The following HCAR2 variants were observed in gnomAD, a reference collection of about 807,000 sequenced individuals.
HCAR2 encodes hydroxycarboxylic acid receptor 2.
For missense variants in HCAR2, 346 were observed against 476.6 expected, an observed-to-expected ratio of 0.73 and a Z score of 2.55; for synonymous variants, 156 against 189.4, an observed-to-expected ratio of 0.82 and a Z score of 1.45.
At position 122,701,872 on chromosome 12, in the gene HCAR2, C is replaced by T. The variant is rs1226866230; in HGVS notation, c.*320G>A. On this transcript the variant is annotated 3_prime_UTR_variant, in exon 1 of 1. Transcript: ENST00000328880. Reference sequence around the variant, plus strand: ...AGATGTGGGAAGAAGGCCAACAAGTCACAAGTAGATCTCTGGCTCCAACTC... The same window carrying T: ...AGATGTGGGAAGAAGGCCAACAAGTTACAAGTAGATCTCTGGCTCCAACTC... 6.1e-6 allele frequency: 3 copies of T among 489,320 alleles called. No homozygotes were observed. The highest frequency in any genetic ancestry group is 1.1e-5 in the Non-Finnish European group (3 of 272,582). 30.3% of individuals were successfully genotyped at this position (489,320 alleles called of 1,614,324 possible).
rs1416439518 is a variant in HCAR2 at position 122,701,940 on chromosome 12, C to T, written c.*252G>A. On this transcript the variant is annotated 3_prime_UTR_variant, in exon 1 of 1. Transcript: ENST00000328880. ...TACAATTTGCCCATCTTCAGTCCTGCGAGCGTCAGAGATGAAGCAAAAGTT... is the reference window on the plus strand; with the variant it reads ...TACAATTTGCCCATCTTCAGTCCTGTGAGCGTCAGAGATGAAGCAAAAGTT... The T allele has an allele frequency of 2.5e-5, 17 of 680,346 alleles. No homozygotes were observed. Among genetic ancestry groups the T allele is most frequent in the East Asian group, 1.4e-4 (5 of 36,168 alleles). 42.1% of individuals were successfully genotyped at this position (680,346 alleles called of 1,614,324 possible). A position where few individuals can be genotyped will look rare whatever the true frequency, so the allele number is the denominator to read the frequency against.
rs1877078237 is a variant in HCAR2, at chr12:122,701,769, C to T, written c.*423G>A. 1 of 267,584 alleles carries T rather than the reference C, an allele frequency of 3.7e-6. No individual in the cohort carries two copies. The highest frequency in any genetic ancestry group is 6.0e-5 in the South Asian group (1 of 16,532). 16.6% of individuals were successfully genotyped at this position (267,584 alleles called of 1,614,324 possible). On this transcript the variant is annotated 3_prime_UTR_variant, in exon 1 of 1. Transcript: ENST00000328880. ...GGAGCAACACAATTCCCTCCAATCT[C>T]AGCTCTCCTTATCCCTGCTAGAGCT... is the stretch of plus-strand genomic sequence containing the variant.
In HCAR2 at chr12:122,702,446, G is replaced by C; in HGVS notation, c.838C>G (p.Leu280Val). 1 of 1,613,976 alleles carries C rather than the reference G, an allele frequency of 6.2e-7. No homozygotes were observed. The highest frequency in any genetic ancestry group is 1.7e-5 in the Admixed American group (1 of 59,984). Residue 280 changes from leucine to valine, a missense_variant, in exon 1 of 1, where the codon CTC (leucine) becomes GTC (valine). Transcript: ENST00000328880. ...ATGCTGTTCATGTAGGTGAAGCTGA[G>C]AGTGATAAAGAACGCCAGGTCCACC... is the stretch of plus-strand genomic sequence containing the variant. ...RSVDLAFFIT[L>V]SFTYMNSMLD... is the part of the protein sequence containing the mutation.
rs201138003 is a variant in HCAR2 at position 122,702,822 on chromosome 12, G to A, written c.462C>T (p.Ile154=). 53 of 1,614,074 alleles carry A rather than the reference G, an allele frequency of 3.3e-5. No individual in the cohort carries two copies. The highest frequency in any genetic ancestry group is 4.5e-5 in the Non-Finnish European group (53 of 1,180,040). ...GGAGGTGGACTGTCAGGCCAATAGT[G>A]ATGCCCCACAGAAGGCAAGAGATGA... ...AAIISCLLWG[I]TIGLTVHLLK... is the part of the protein sequence containing the mutation. Residue 154 remains isoleucine (I), a synonymous_variant, in exon 1 of 1, where the codon ATC becomes ATT. Coordinates refer to ENST00000328880, the MANE Select transcript of HCAR2 (RefSeq NM_177551.4).
rs1277192878 is a variant in HCAR2 at position 122,701,596 on chromosome 12, A to G, written c.*596T>C. 2 of 164,792 alleles carry G rather than the reference A, an allele frequency of 1.2e-5. No individual in the cohort carries two copies. Among genetic ancestry groups the G allele is most frequent in the Admixed American group, 1.1e-4 (2 of 18,136 alleles). 10.2% of individuals were successfully genotyped at this position (164,792 alleles called of 1,614,324 possible). A position where few individuals can be genotyped will look rare whatever the true frequency, so the allele number is the denominator to read the frequency against. The stretch of plus-strand genomic sequence containing the variant: ...CAGTCCCTTCTGGGGCTAATCCCCT[A>G]TTACACCCACCGGAAACACAGATAT... On this transcript the variant is annotated 3_prime_UTR_variant, in exon 1 of 1. Transcript: ENST00000328880.
chr12:122,703,185 C>T lies in HCAR2; in HGVS notation c.99G>A (p.Val33=), dbSNP rs755495173. ...GCCCGAAGATAAACTCCAGCCCCAA[C>T]ACCGGCGGCAACACCTTGACAATGA... is the stretch of plus-strand genomic sequence containing the variant. ...DDFIVKVLPP[V]LGLEFIFGLL... Residue 33 remains valine (V), a synonymous_variant, in exon 1 of 1, where the codon GTG becomes GTA. Coordinates refer to ENST00000328880, the MANE Select transcript of HCAR2 (RefSeq NM_177551.4). 1.7e-5 allele frequency: 27 copies of T among 1,614,054 alleles called. No individual in the cohort carries two copies. Among genetic ancestry groups the T allele is most frequent in the Non-Finnish European group, 1.7e-5 (20 of 1,180,046 alleles).
rs1039822698 is a variant in HCAR2 at position 122,702,011 on chromosome 12, G to C, written c.*181C>G. 1 of 1,086,426 alleles carries C rather than the reference G, an allele frequency of 9.2e-7. No homozygotes were observed. The highest frequency in any genetic ancestry group is 1.5e-5 in the South Asian group (1 of 66,232). The allele number at this position is 1,086,426 out of a possible 1,614,324, so 67.3% of individuals were successfully genotyped here. ...CTCTCTATTCCTCCAGGATTCCTGC[G>C]GTCACACCTTGCAACCAGTCTCCCA... On this transcript the variant is annotated 3_prime_UTR_variant, in exon 1 of 1. Coordinates refer to ENST00000328880, the MANE Select transcript of HCAR2 (RefSeq NM_177551.4).
rs202219060 is a variant in HCAR2, at chr12:122,702,411, G to T, written c.873C>A (p.Pro291=). The change falls in exon 1 of 1, where the codon CCC becomes CCA. Residue 291 remains proline (P), a synonymous_variant. Coordinates refer to ENST00000328880, the MANE Select transcript of HCAR2 (RefSeq NM_177551.4). ...ATGGGCTGGAGAAGTAGTACACCAC[G>T]GGGTCCAGCATGCTGTTCATGTAGG... ...SFTYMNSMLD[P]VVYYFSSPSF... The T allele has an allele frequency of 1.7e-5, 28 of 1,614,038 alleles. No homozygotes were observed. Among genetic ancestry groups the T allele is most frequent in the Non-Finnish European group, 2.4e-5 (28 of 1,180,018 alleles).
At position 122,703,234 on chromosome 12, in the gene HCAR2, T is replaced by A; in HGVS notation, c.50A>T (p.Asn17Ile). 6.2e-7 allele frequency: 1 copy of A among 1,614,004 alleles called. No individual in the cohort carries two copies. Among genetic ancestry groups the A allele is most frequent in the Non-Finnish European group, 8.5e-7 (1 of 1,180,008 alleles). ...QDHFLEIDKK[N>I]CCVFRDDFIV... Reference sequence around the variant, plus strand: ...GAAGTCATCTCGGAACACACAGCAGTTCTTCTTGTCTATTTCCAGAAAGTG... The same window carrying A: ...GAAGTCATCTCGGAACACACAGCAGATCTTCTTGTCTATTTCCAGAAAGTG... Residue 17 changes from asparagine (N) to isoleucine (I), a missense_variant, in exon 1 of 1, where the codon AAC becomes ATC. Transcript: ENST00000328880.
rs201528894 is a variant in HCAR2 at position 122,703,310 on chromosome 12, C to T, written c.-27G>A. On this transcript the variant is annotated 5_prime_UTR_variant, in exon 1 of 1. Coordinates refer to ENST00000328880, the MANE Select transcript of HCAR2 (RefSeq NM_177551.4). ...AGTGCGGCTAGTGAGTCCGATGGAGCGCCTCGCCTAGTGAATGCTCCAGCA... is the reference window on the plus strand; with the variant it reads ...AGTGCGGCTAGTGAGTCCGATGGAGTGCCTCGCCTAGTGAATGCTCCAGCA... 4 of 1,607,962 alleles carry T rather than the reference C, an allele frequency of 2.5e-6. No individual in the cohort carries two copies. Among genetic ancestry groups the T allele is most frequent in the East Asian group, 2.2e-5 (1 of 44,808 alleles).
At position 122,703,029 on chromosome 12, in the gene HCAR2, G is replaced by T. The variant is rs202234525; in HGVS notation, c.255C>A (p.Asp85Glu). 1 of 1,614,124 alleles carries T rather than the reference G, an allele frequency of 6.2e-7. No homozygotes were observed. Among genetic ancestry groups the T allele is most frequent in the Non-Finnish European group, 8.5e-7 (1 of 1,180,038 alleles). Residue 85 changes from aspartate (D) to glutamate (E), a missense_variant, in exon 1 of 1, where the codon GAC (aspartate) becomes GAA (glutamate). Asp to Glu is a conservative substitution (Grantham distance 45). Coordinates refer to ENST00000328880, the MANE Select transcript of HCAR2 (RefSeq NM_177551.4). ...TCCAGTCCCAACGCCTCACATAGTT[G>T]TCCATCAGGAAGGGCAGGCAGATGA... ...LLIICLPFLM[D>E]NYVRRWDWKF...
chr12:122,701,985 ACT>A lies in HCAR2; in HGVS notation c.*205_*206del, dbSNP rs1355856775. 4 of 972,222 alleles carry A rather than the reference ACT, an allele frequency of 4.1e-6. No homozygotes were observed. In the East Asian group the frequency reaches 7.5e-5, roughly 18 times the overall value. 60.2% of individuals were successfully genotyped at this position (972,222 alleles called of 1,614,324 possible). On this transcript the variant is annotated 3_prime_UTR_variant, in exon 1 of 1. Coordinates refer to ENST00000328880, the MANE Select transcript of HCAR2 (RefSeq NM_177551.4). ...AAAGTTTCAGATGCCTAGAAGCTTTACTCTCTATTCCTCCAGGATTCCTGCGG... is the reference window on the plus strand; with the variant it reads ...AAAGTTTCAGATGCCTAGAAGCTTTACTCTATTCCTCCAGGATTCCTGCGG...
In HCAR2 at chr12:122,702,720, C is replaced by G. The variant is rs1341264802; in HGVS notation, c.564G>C (p.Trp188Cys). ...ACTCCAGGAGGAACATGGCTTCGTG[C>G]CACTGGAAGGTATGGCAGATGCTGA... Reference protein sequence around the residue: ...SSFSICHTFQWHEAMFLLEFF... With the variant: ...SSFSICHTFQCHEAMFLLEFF... The change falls in exon 1 of 1, where the codon TGG becomes TGC. Residue 188 changes from tryptophan to cysteine, a missense_variant. By Grantham distance (215) the Trp-to-Cys change is radical. Coordinates refer to ENST00000328880, the MANE Select transcript of HCAR2 (RefSeq NM_177551.4). 7 of 1,614,042 alleles carry G rather than the reference C, an allele frequency of 4.3e-6. No homozygotes were observed. The highest frequency in any genetic ancestry group is 4.0e-5 in the African/African-American group (3 of 74,908).
Position 122,703,038 on chromosome 12 carries a change from G to A in HCAR2, c.246C>T (p.Phe82=), listed in dbSNP as rs759263658. The A allele has an allele frequency of 1.2e-5, 20 of 1,614,024 alleles. No homozygotes were observed. The highest frequency in any genetic ancestry group is 1.6e-5 in the Non-Finnish European group (19 of 1,180,044). ...ADFLLIICLP[F]LMDNYVRRWD... is the part of the protein sequence containing the mutation. ...AACGCCTCACATAGTTGTCCATCAG[G>A]AAGGGCAGGCAGATGATCAGTAGAA... Residue 82 remains phenylalanine, a synonymous_variant, in exon 1 of 1, where the codon TTC becomes TTT. Coordinates refer to ENST00000328880, the MANE Select transcript of HCAR2 (RefSeq NM_177551.4).
In HCAR2 at chr12:122,703,015, C is replaced by G. The variant is rs200252776; in HGVS notation, c.269G>C (p.Arg90Pro). 4.3e-6 allele frequency: 7 copies of G among 1,614,036 alleles called. No homozygotes were observed. The highest frequency in any genetic ancestry group is 4.2e-6 in the Non-Finnish European group (5 of 1,180,026). ...LPFLMDNYVR[R>P]WDWKFGDIPC... is the part of the protein sequence containing the mutation. ...GATGTCCCCAAACTTCCAGTCCCAA[C>G]GCCTCACATAGTTGTCCATCAGGAA... Residue 90 changes from arginine to proline, a missense_variant, in exon 1 of 1, where the codon CGT becomes CCT. Arg to Pro is a moderately radical substitution (Grantham distance 103). Transcript: ENST00000328880.
chr12:122,702,492 C>A lies in HCAR2; in HGVS notation c.792G>T (p.Gln264His), dbSNP rs199753824. ...CCACCGAGCGGTACACTTCACAATT[C>A]TGCGTGCCCGAAGTGTGCAGGAGCC... is the stretch of plus-strand genomic sequence containing the variant. Reference protein sequence around the residue: ...IFWLLHTSGTQNCEVYRSVDL... With the variant: ...IFWLLHTSGTHNCEVYRSVDL... Residue 264 changes from glutamine to histidine, a missense_variant, in exon 1 of 1, where the codon CAG becomes CAT. Gln to His is a conservative substitution (Grantham distance 24). Coordinates refer to ENST00000328880, the MANE Select transcript of HCAR2 (RefSeq NM_177551.4). 53 of 1,614,026 alleles carry A rather than the reference C, an allele frequency of 3.3e-5. No homozygotes were observed. The highest frequency in any genetic ancestry group is 2.1e-4 in the South Asian group (19 of 91,072).
chr12:122,701,551 CATA>C lies in HCAR2; in HGVS notation c.*638_*640del, dbSNP rs1169848756. 6.5e-6 allele frequency: 1 copy of C among 153,564 alleles called. No individual in the cohort carries two copies. The highest frequency in any genetic ancestry group is 1.9e-4 in the East Asian group (1 of 5,220). 9.5% of individuals were successfully genotyped at this position (153,564 alleles called of 1,614,324 possible). A position where few individuals can be genotyped will look rare whatever the true frequency, so the allele number is the denominator to read the frequency against. On this transcript the variant is annotated 3_prime_UTR_variant, in exon 1 of 1. Transcript: ENST00000328880. Reference sequence around the variant, plus strand: ...AAAGCAGCAATGCCATTTCCTTTCCCATAATAACACTGTTTAGCTCAGTCCCTT... The same window carrying C: ...AAAGCAGCAATGCCATTTCCTTTCCCATAACACTGTTTAGCTCAGTCCCTT...
In HCAR2 at chr12:122,702,911, T is replaced by C. The variant is rs371493470; in HGVS notation, c.373A>G (p.Arg125Gly). The C allele has an allele frequency of 8.7e-6, 14 of 1,613,874 alleles. No homozygotes were observed. Among genetic ancestry groups the C allele is most frequent in the African/African-American group, 1.3e-5 (1 of 74,864 alleles). The change falls in exon 1 of 1, where the codon AGG becomes GGG. Residue 125 changes from arginine (R) to glycine (G), a missense_variant. Arg to Gly is a moderately radical substitution (Grantham distance 125). Transcript: ENST00000328880. Reference sequence around the variant, plus strand: ...TGGGGATGGACCACCCGGAAATACCTGTCTACCGCCACCACCGTGAGGAAG... The same window carrying C: ...TGGGGATGGACCACCCGGAAATACCCGTCTACCGCCACCACCGTGAGGAAG... ...IIFLTVVAVD[R>G]YFRVVHPHHA...
chr12:122,702,093 C>A lies in HCAR2; in HGVS notation c.*99G>T, dbSNP rs750054105. 3 of 1,577,648 alleles carry A rather than the reference C, an allele frequency of 1.9e-6. No homozygotes were observed. The highest frequency in any genetic ancestry group is 2.3e-5 in the South Asian group (2 of 85,572). On this transcript the variant is annotated 3_prime_UTR_variant, in exon 1 of 1. Coordinates refer to ENST00000328880, the MANE Select transcript of HCAR2 (RefSeq NM_177551.4). ...CTCTGAATCTGGAAGTTCCAGGAAA[C>A]CTTAGGCCGAGTCCAGTGACATTAC... is the stretch of plus-strand genomic sequence containing the variant.
Sources: gnomAD v4.1 joint callset for allele counts on GRCh38, gnomAD v4.1.1 for gene constraint, MANE v1.5 for transcripts, NCBI Gene and HGNC (gene_info 2026-07-23, HGNC 2026-07-21) for gene names.